Variants in SLC20A1 observed in about 807,000 individuals in gnomAD.
SLC20A1 encodes solute carrier family 20 member 1.
SLC20A1 carries 28 observed loss-of-function variants against 62.7 expected under a neutral mutation model. The observed-to-expected ratio is 0.45, with a 90% CI of 0.33 to 0.61. SLC20A1 has a LOEUF of 0.61. Ranked by LOEUF, SLC20A1 falls within the 20% of genes least tolerant of loss-of-function variation. SLC20A1 has a pLI of 0.02. For missense variants in SLC20A1, 673 were observed against 838.6 expected (o/e 0.80, Z 2.44); for synonymous variants, 305 against 302.9 (o/e 1.01, Z -0.07).
rs1686687376 is a variant in SLC20A1 at position 112,659,342 on chromosome 2, A to G, written c.1187A>G (p.His396Arg). ...TACAAAGAGCTACTCCATAAATTACATCTTGCCAAGGTGGGAGATTGCATG... is the reference window on the plus strand; with the variant it reads ...TACAAAGAGCTACTCCATAAATTACGTCTTGCCAAGGTGGGAGATTGCATG... ...GLYKELLHKL[H>R]LAKVGDCMGD... The change falls in exon 8 of 11, where the codon CAT becomes CGT. Residue 396 changes from histidine (H) to arginine (R), a missense_variant. Transcript: ENST00000272542. 1 of 1,614,180 alleles carries G rather than the reference A, an allele frequency of 6.2e-7. No homozygotes were observed. The highest frequency in any genetic ancestry group is 1.1e-5 in the South Asian group (1 of 91,082).
intron 4 of SLC20A1, 43 bp downstream of exon 4, chr2:112,647,781 C>T: frequency 6.8e-7 from 1 of 1,473,752 alleles, no homozygotes; most frequent in African/African-American, 1.4e-5. Flanking sequence ...TGGAGCACAC[C>T]CAATCGATTT....
intron 5 of SLC20A1, among the ~76,000 whole-genome samples, chr2:112,655,465 A>T (rs1282084434): frequency 6.6e-6 from 1 of 151,812 alleles, no homozygotes; most frequent in Admixed American, 6.6e-5. Context: ...CAAAACAAGC[A>T]GAAGTAACTA....
intron 8 of SLC20A1, 103 bp downstream of exon 8, chr2:112,659,865 C>A: frequency 1.1e-6 from 1 of 932,690 alleles, no homozygotes; most frequent in Non-Finnish European, 1.6e-6. Context: ...ATTTACAGGA[C>A]CCCAAATAAT....
At chr2:112,648,067 G>A (rs2104640674) in intron 4 of SLC20A1, among the ~76,000 whole-genome samples, 1 of 152,162 alleles carries the variant, frequency 6.6e-6, no homozygotes, top group East Asian at 1.9e-4. Flanking sequence ...TTATATTCAG[G>A]CTAATATAAT....
At position 112,646,846 on chromosome 2, in the gene SLC20A1, C is replaced by G. The variant is rs750461221; in HGVS notation, c.18C>G (p.Thr6=). Residue 6 remains threonine (T), a synonymous_variant, in exon 2 of 11, where the codon ACC becomes ACG. Transcript: ENST00000272542. ...TCCAGAGAATGGCAACGCTGATTAC[C>G]AGTACTACAGCTGCTACCGCCGCTT... MATLI[T]STTAATAASG... 1 of 1,608,676 alleles carries G rather than the reference C, an allele frequency of 6.2e-7. No homozygotes were observed. The highest frequency in any genetic ancestry group is 8.5e-7 in the Non-Finnish European group (1 of 1,176,136).
chr2:112,648,878 A>C (rs1176296502), intron 4 of SLC20A1, among the ~76,000 whole-genome samples: 1 of 152,216 alleles, frequency 6.6e-6, no homozygotes, highest in Non-Finnish European at 1.5e-5. Context: ...GGGATGCTTA[A>C]ATTAGAGGCT....
At position 112,659,311 on chromosome 2, in the gene SLC20A1, G is replaced by A; in HGVS notation, c.1156G>A (p.Gly386Ser). Reference protein sequence around the residue: ...YQYHTVHKDSGLYKELLHKLH... With the variant: ...YQYHTVHKDSSLYKELLHKLH... ...GTATCACACCGTGCATAAGGATTCC[G>A]GCCTGTACAAAGAGCTACTCCATAA... The change falls in exon 8 of 11, where the codon GGC (glycine) becomes AGC (serine). Residue 386 changes from glycine to serine, a missense_variant. Gly to Ser is a moderately conservative substitution (Grantham distance 56). Coordinates refer to ENST00000272542, the MANE Select transcript of SLC20A1 (RefSeq NM_005415.5). 2 of 1,614,124 alleles carry A rather than the reference G, an allele frequency of 1.2e-6. No homozygotes were observed. Among genetic ancestry groups the A allele is most frequent in the Non-Finnish European group, 1.7e-6 (2 of 1,180,046 alleles).
chr2:112,662,749 G>A (rs1686784993), intron 10 of SLC20A1, 115 bp from the exon 11 acceptor site: 2 of 1,014,666 alleles, frequency 2.0e-6, no homozygotes, highest in Non-Finnish European at 2.9e-6. Context: ...AGCTTTCTTG[G>A]ACTTTGTCTT....
intron 5 of SLC20A1, among the ~76,000 whole-genome samples, chr2:112,655,640 G>C (rs902324370): frequency 3.3e-5 from 5 of 151,642 alleles, no homozygotes; most frequent in African/African-American, 1.2e-4. Flanking sequence ...CTCCTGAGTA[G>C]CTAGAGATCA....
Position 112,662,854 on chromosome 2 carries a change from T to A in SLC20A1, c.1879-10T>A, listed in dbSNP as rs1212220200. 1.2e-6 allele frequency: 2 copies of A among 1,612,808 alleles called. No homozygotes were observed. The highest frequency in any genetic ancestry group is 2.2e-5 in the South Asian group (2 of 91,058). The stretch of plus-strand genomic sequence containing the variant: ...CAATAACCTGTTTCCTTGGTCTGCT[T>A]CTCTTCTAGGTGGGCTCTGTTGTGT... On this transcript the variant is annotated splice_polypyrimidine_tract_variant and intron_variant, in intron 10 of 10. Coordinates refer to ENST00000272542, the MANE Select transcript of SLC20A1 (RefSeq NM_005415.5).
At chr2:112,654,552 A>G (rs1686531733) in intron 5 of SLC20A1, among the ~76,000 whole-genome samples, 1 of 152,186 alleles carries the variant, frequency 6.6e-6, no homozygotes, top group East Asian at 1.9e-4. Context: ...TGACCACATG[A>G]TCAAAATTGA....
chr2:112,652,121 T>A (rs1686458455), intron 4 of SLC20A1: 1 of 153,354 alleles, frequency 6.5e-6, no homozygotes, highest in Non-Finnish European at 1.5e-5. Context: ...TTCCCTCCTA[T>A]ATTTCGGTGC....
rs1029237732 is a variant in SLC20A1 at position 112,657,116 on chromosome 2, T to TC, written c.659-4dup. 3 of 1,613,560 alleles carry TC rather than the reference T, an allele frequency of 1.9e-6. No individual in the cohort carries two copies. The African/African-American group carries it at 4.0e-5, about 22-fold the overall frequency. ...GGTTTTCAAGATGCACCATTTTATC[T>TC]CCTAGTGCTGGGCTTTGACAAACTT... On this transcript the variant is annotated splice_region_variant and splice_polypyrimidine_tract_variant and intron_variant, in intron 5 of 10. Transcript: ENST00000272542.
chr2:112,659,593 A>G lies in SLC20A1; in HGVS notation c.1438A>G (p.Ile480Val). 1 of 1,614,246 alleles carries G rather than the reference A, an allele frequency of 6.2e-7. No homozygotes were observed. The highest frequency in any genetic ancestry group is 2.2e-5 in the East Asian group (1 of 44,888). The change falls in exon 8 of 11, where the codon ATA becomes GTA. Residue 480 changes from isoleucine to valine, a missense_variant. By Grantham distance (29) the Ile-to-Val change is conservative. Coordinates refer to ENST00000272542, the MANE Select transcript of SLC20A1 (RefSeq NM_005415.5). ...AVSDLHSASE[I>V]DMSVKAEMGL... ...GTCTGACCTTCACTCAGCATCTGAG[A>G]TAGACATGAGTGTCAAGGCAGAGAT...
chr2:112,656,992 A>T, intron 5 of SLC20A1, 130 bp from the exon 6 acceptor site: 1 of 1,077,352 alleles, frequency 9.3e-7, no homozygotes, highest in South Asian at 1.3e-5. Context: ...CTGTGCACTT[A>T]AATCTGGCAG....
intron 6 of SLC20A1, among the ~76,000 whole-genome samples, chr2:112,658,145 T>C (rs1686646487): frequency 6.6e-6 from 1 of 152,158 alleles, no homozygotes; most frequent in Admixed American, 6.5e-5. Context: ...TCATTTTCCC[T>C]CTCTGGGAGG....
At position 112,659,043 on chromosome 2, in the gene SLC20A1, C is replaced by A. The variant is rs763783121; in HGVS notation, c.997C>A (p.Leu333Ile). 1 of 1,614,062 alleles carries A rather than the reference C, an allele frequency of 6.2e-7. No individual in the cohort carries two copies. Among genetic ancestry groups the A allele is most frequent in the Non-Finnish European group, 8.5e-7 (1 of 1,180,000 alleles). ...DLEEAPERER[L>I]PSVDLKEETS... ...GGAGGAAGCTCCAGAGAGAGAGAGGCTTCCCAGCGTGGACTTGAAAGAGGA... is the reference window on the plus strand; with the variant it reads ...GGAGGAAGCTCCAGAGAGAGAGAGGATTCCCAGCGTGGACTTGAAAGAGGA... The change falls in exon 7 of 11, where the codon CTT (leucine) becomes ATT (isoleucine). Residue 333 changes from leucine (L) to isoleucine (I), a missense_variant. Transcript: ENST00000272542.
At chr2:112,653,615 C>A (rs559708306) in intron 5 of SLC20A1, among the ~76,000 whole-genome samples, 2 of 151,998 alleles carry the variant, frequency 1.3e-5, no homozygotes, top group African/African-American at 2.4e-5. Context: ...CATGAAGCCA[C>A]TTAATGCTTA....
chr2:112,659,683 G>C lies in SLC20A1; in HGVS notation c.1528G>C (p.Glu510Gln), dbSNP rs1686697139. 2 of 1,614,112 alleles carry C rather than the reference G, an allele frequency of 1.2e-6. No individual in the cohort carries two copies. Among genetic ancestry groups the C allele is most frequent in the Non-Finnish European group, 1.7e-6 (2 of 1,180,042 alleles). ...LEEWYDQDKP[E>Q]VSLLFQFLQI... ...AGAATGGTATGACCAGGATAAGCCT[G>C]AAGTCTCTCTCCTCTTCCAGTTCCT... The change falls in exon 8 of 11, where the codon GAA (glutamate) becomes CAA (glutamine). Residue 510 changes from glutamate to glutamine, a missense_variant. Transcript: ENST00000272542.
Sources: gnomAD v4.1 joint callset for allele counts (sites outside exome capture counted in the v4.1 genomes callset) on GRCh38, gnomAD v4.1.1 for gene constraint, MANE v1.5 for transcripts, NCBI Gene and HGNC (gene_info 2026-07-23, HGNC 2026-07-21) for gene names.